Variants in DIABLO observed in about 807,000 individuals in gnomAD.
The protein encoded by DIABLO is diablo IAP-binding mitochondrial protein.
A neutral mutation model predicts 31.7 loss-of-function variants in DIABLO; 32 were observed. That is an observed-to-expected ratio of 1.01 (90% CI 0.76 to 1.35). DIABLO has a LOEUF of 1.35. DIABLO is among the 40% of genes most tolerant of loss of function. The probability of loss-of-function intolerance (pLI) is 0.00; values close to 1 mark genes in which losing one functional copy is unlikely to be tolerated. For synonymous variants in DIABLO, 132 were observed against 103.2 expected (o/e 1.28, Z -1.69); for missense variants, 316 against 286.4 (o/e 1.10, Z -0.75).
At chr12:122,225,686 G>T in intron 1 of DIABLO, 2 of 1,392,478 alleles carry the variant, frequency 1.4e-6, no homozygotes, top group South Asian at 3.0e-5. Context: ...AGTGGCTGAC[G>T]AGGGCTGGTC....
chr12:122,218,496 G>A (rs1954264959), intron 2 of DIABLO, 99 bp from the exon 3 acceptor site: 1 of 1,507,972 alleles, frequency 6.6e-7, no homozygotes, highest in Admixed American at 1.7e-5. Flanking sequence ...GCTGCTTAGT[G>A]TTTTAGGCTG....
intron 2 of DIABLO, among the ~76,000 whole-genome samples, chr12:122,223,933 T>C (rs960558363): frequency 1.1e-4 from 17 of 152,196 alleles, no homozygotes; most frequent in African/African-American, 2.9e-4. Flanking sequence ...CCTGAGTAGT[T>C]GCCACTAGAA....
At chr12:122,210,756 G>C (rs772706320) in intron 5 of DIABLO, among the ~76,000 whole-genome samples, 2 of 151,988 alleles carry the variant, frequency 1.3e-5, no homozygotes, top group Non-Finnish European at 2.9e-5. Context: ...TGTCTTAGAA[G>C]AGTATGTAAA....
At chr12:122,225,686 G>C in intron 1 of DIABLO, 1 of 1,392,478 alleles carries the variant, frequency 7.2e-7, no homozygotes, top group South Asian at 1.5e-5. Flanking sequence ...AGTGGCTGAC[G>C]AGGGCTGGTC....
chr12:122,209,673 A>G (rs1003126203), intron 5 of DIABLO: 2 of 684,940 alleles, frequency 2.9e-6, no homozygotes, highest in East Asian at 2.7e-5. Context: ...CCCCCAAAAA[A>G]AAAAATGAGC....
chr12:122,215,195 T>C (rs867687430), intron 5 of DIABLO, among the ~76,000 whole-genome samples: 6 of 151,332 alleles, frequency 4.0e-5, no homozygotes, highest in African/African-American at 9.7e-5. Flanking sequence ...GGCAGGAAAA[T>C]TGCTTGAACT....
chr12:122,220,603 C>G (rs773107306), intron 2 of DIABLO: 1 of 152,072 alleles, frequency 6.6e-6, no homozygotes, highest in African/African-American at 2.4e-5. Flanking sequence ...TGCAGTGAGC[C>G]GAGATCTTGC....
intron 1 of DIABLO, chr12:122,224,921 C>T: frequency 9.2e-7 from 1 of 1,091,544 alleles, no homozygotes; most frequent in Non-Finnish European, 1.2e-6. Flanking sequence ...CCAGCCTGGG[C>T]AACATGGCTG....
chr12:122,225,593 G>A (rs866562193), intron 1 of DIABLO: 52 of 1,207,252 alleles, frequency 4.3e-5, no homozygotes, highest in African/African-American at 3.8e-4. Flanking sequence ...CCCTCGGGAG[G>A]ACGTCTTCAG....
In DIABLO at chr12:122,213,507, GA is replaced by G. The variant is rs368276624; in HGVS notation, c.523+2980del. Among the ~76,000 whole-genome samples, 290 of 136,458 alleles carry G rather than the reference GA, an allele frequency of 2.1e-3. 4 individuals carry two copies. The highest frequency in any genetic ancestry group is 0.02 in the South Asian group (86 of 4,316). 89.5% of individuals were successfully genotyped at this position (136,458 alleles called of 152,430 possible). A position where few individuals can be genotyped will look rare whatever the true frequency, so the allele number is the denominator to read the frequency against. ...TAACAGAGTAAGACCTTGTCTCAGG[GA>G]AAAAAAAAAAAAAAATTCCGTTTAC... On this transcript the variant is annotated intron_variant, in intron 5 of 5. Coordinates refer to ENST00000464942, the MANE Select transcript of DIABLO (RefSeq NM_001371333.1).
intron 1 of DIABLO, chr12:122,224,909 G>A (rs1028391781): frequency 5.7e-6 from 7 of 1,237,190 alleles, no homozygotes; most frequent in Admixed American, 2.6e-5. Context: ...AGGAGTTCAC[G>A]ACCAGCCTGG....
chr12:122,214,632 C>A (rs1003880766), intron 5 of DIABLO, among the ~76,000 whole-genome samples: 3 of 152,118 alleles, frequency 2.0e-5, no homozygotes, highest in African/African-American at 7.2e-5. Flanking sequence ...CACTGTGTTG[C>A]CCTTGAACTC....
rs775246254 is a variant in DIABLO, at chr12:122,208,317, G to A, written c.*64C>T. On this transcript the variant is annotated 3_prime_UTR_variant, in exon 6 of 6. Transcript: ENST00000464942. ...GCACAGACAGTCATGCCAACCCTGG[G>A]CAGGGTGGCATCTGCCCCTGCTTTC... The A allele has an allele frequency of 1.3e-6, 2 of 1,570,944 alleles. No homozygotes were observed. Among genetic ancestry groups the A allele is most frequent in the Admixed American group, 3.3e-5 (2 of 59,946 alleles).
At chr12:122,209,702 G>T in intron 5 of DIABLO, 7 of 691,672 alleles carry the variant, frequency 1.0e-5, no homozygotes, top group South Asian at 7.7e-5. Context: ...TTTACCTGCT[G>T]CTAGTTAGTG....
upstream of DIABLO, chr12:122,226,717 G>A (rs932045453): frequency 1.6e-5 from 9 of 576,540 alleles, no homozygotes; most frequent in Admixed American, 2.5e-4. Flanking sequence ...CCTCCTGGAC[G>A]CTCGCTTCTC....
chr12:122,226,662 A>T (rs550877869), upstream of DIABLO: 2 of 627,522 alleles, frequency 3.2e-6, no homozygotes, highest in African/African-American at 3.8e-5. Context: ...CCCTCGAAAC[A>T]GCAAACGAAG....
chr12:122,213,975 C>T (rs1394467820), intron 5 of DIABLO, among the ~76,000 whole-genome samples: 1 of 152,092 alleles, frequency 6.6e-6, no homozygotes, highest in Non-Finnish European at 1.5e-5. Flanking sequence ...AGCCCAACTA[C>T]TCAGGAGGCA....
chr12:122,224,504 G>A lies in DIABLO; in HGVS notation c.183+8C>T, dbSNP rs1452673602. 1.9e-6 allele frequency: 3 copies of A among 1,613,428 alleles called. No homozygotes were observed. Among genetic ancestry groups the A allele is most frequent in the Middle Eastern group, 1.6e-4 (1 of 6,084 alleles). On this transcript the variant is annotated splice_region_variant and intron_variant, in intron 2 of 5. Coordinates refer to ENST00000464942, the MANE Select transcript of DIABLO (RefSeq NM_001371333.1). ...ACACTAGATAAGAATCACTGCACAC[G>A]ACAGTACCTGTGCAATAGGAACCGC...
chr12:122,213,805 C>T (rs563590145), intron 5 of DIABLO, among the ~76,000 whole-genome samples: 3 of 152,196 alleles, frequency 2.0e-5, no homozygotes, highest in East Asian at 3.9e-4. Flanking sequence ...TTTTTCTGGG[C>T]CAAGCGCAGT....
Sources: gnomAD v4.1 joint callset for allele counts (sites outside exome capture counted in the v4.1 genomes callset) on GRCh38, gnomAD v4.1.1 for gene constraint, MANE v1.5 for transcripts, NCBI Gene and HGNC (gene_info 2026-07-23, HGNC 2026-07-21) for gene names.